The following SEMA5A variants were observed in gnomAD, a reference collection of about 807,000 sequenced individuals.
SEMA5A encodes semaphorin-5A.
Under a neutral mutation model 135.5 loss-of-function variants are expected in SEMA5A, and 55 were observed. The ratio of observed to expected loss-of-function variants is 0.41; its 90% CI spans 0.33 to 0.51. The LOEUF (loss-of-function observed/expected upper bound fraction) is 0.51, where lower values mean the gene tolerates loss of function less well. Among genes scored for constraint, SEMA5A ranks in the 20% least tolerant of loss-of-function variants. The pLI is 0.37. For synonymous variants in SEMA5A, 580 were observed against 546.5 expected (o/e 1.06, Z -0.85); for missense variants, 1,290 against 1,419.9 (o/e 0.91, Z 1.47).
In SEMA5A at chr5:9,384,661, T is replaced by TAC. The variant is rs1214516553; in HGVS notation, c.-77-4639_-77-4638insGT. ...ATAGATAGATAGATAGATAGATAGA[T>TAC]ATAGATAGATAGATATAGATAGATA... is the stretch of plus-strand genomic sequence containing the variant. On this transcript the variant is annotated intron_variant, in intron 2 of 22. Coordinates refer to ENST00000382496, the MANE Select transcript of SEMA5A (RefSeq NM_003966.3). 6.9e-4 allele frequency among the ~76,000 whole-genome samples: 46 copies of TAC among 66,496 alleles called. 3 individuals are homozygous for TAC. The highest frequency in any genetic ancestry group is 1.7e-3 in the South Asian group (4 of 2,290). 43.6% of individuals were successfully genotyped at this position (66,496 alleles called of 152,430 possible).
chr5:9,048,128 G>A (rs1403112162), intron 21 of SEMA5A, among the ~76,000 whole-genome samples: 2 of 152,188 alleles, frequency 1.3e-5, no homozygotes, highest in Non-Finnish European at 2.9e-5. Flanking sequence ...CTGGACCCAG[G>A]CAGCAGACAG....
intron 11 of SEMA5A, among the ~76,000 whole-genome samples, chr5:9,163,119 A>C (rs1207867636): frequency 1.3e-5 from 2 of 152,128 alleles, no homozygotes; most frequent in Non-Finnish European, 2.9e-5. Context: ...CATACCACTG[A>C]CTACACAGAA....
At chr5:9,151,803 G>C (rs1011567073) in intron 12 of SEMA5A, among the ~76,000 whole-genome samples, 2 of 152,204 alleles carry the variant, frequency 1.3e-5, no homozygotes, top group African/African-American at 4.8e-5. Context: ...ATTTCTTACT[G>C]CTTCTCTCAG....
At position 9,035,948 on chromosome 5, in the gene SEMA5A, G is replaced by C. The variant is rs1735630749; in HGVS notation, c.*6949C>G. 7.9e-6 allele frequency: 1 copy of C among 126,828 alleles called. No individual in the cohort carries two copies. Among genetic ancestry groups the C allele is most frequent in the Non-Finnish European group, 1.6e-5 (1 of 61,318 alleles). 7.9% of individuals were successfully genotyped at this position (126,828 alleles called of 1,614,324 possible). A position where few individuals can be genotyped will look rare whatever the true frequency, so the allele number is the denominator to read the frequency against. On this transcript the variant is annotated 3_prime_UTR_variant, in exon 23 of 23. Coordinates refer to ENST00000382496, the MANE Select transcript of SEMA5A (RefSeq NM_003966.3). ...TTACCAAGGGCTGAAATTGGCTTTG[G>C]AGGAGTTTCACAAAAAAAAAAAAAA...
chr5:9,537,317 A>G (rs539396638), intron 1 of SEMA5A, among the ~76,000 whole-genome samples: 3 of 152,200 alleles, frequency 2.0e-5, no homozygotes, highest in Non-Finnish European at 4.4e-5. Context: ...CATTTTTCCA[A>G]TCTTGTAACC....
chr5:9,163,264 T>A (rs1174595074), intron 11 of SEMA5A, among the ~76,000 whole-genome samples: 5 of 146,876 alleles, frequency 3.4e-5, no homozygotes, highest in East Asian at 2.0e-4. Flanking sequence ...CTGTTTCATT[T>A]AAAAAAAAAA....
rs371886489 is a variant in SEMA5A at position 9,503,943 on chromosome 5, G to A, written c.-175+41641C>T. On this transcript the variant is annotated intron_variant, in intron 1 of 22. Coordinates refer to ENST00000382496, the MANE Select transcript of SEMA5A (RefSeq NM_003966.3). ...AACGAAATACATTTCACGGCTGGGC[G>A]CGGTGGCTCATGCCTGTAATCCCAG... 2.6e-5 allele frequency among the ~76,000 whole-genome samples: 4 copies of A among 152,206 alleles called. No individual in the cohort carries two copies. The East Asian group carries it at 7.7e-4, about 29-fold the overall frequency.
At chr5:9,316,787 T>C (rs899703214) in intron 5 of SEMA5A, among the ~76,000 whole-genome samples, 4 of 152,152 alleles carry the variant, frequency 2.6e-5, no homozygotes, top group South Asian at 2.1e-4. Context: ...TATTTATTTA[T>C]TTATTTATTT....
chr5:9,174,270 T>G (rs559106573), intron 11 of SEMA5A, among the ~76,000 whole-genome samples: 1 of 152,196 alleles, frequency 6.6e-6, no homozygotes, highest in Non-Finnish European at 1.5e-5. Context: ...GGCGAGTTTT[T>G]TTCCACTAAT....
chr5:9,259,099 G>A (rs1413492618), intron 5 of SEMA5A, among the ~76,000 whole-genome samples: 1 of 152,136 alleles, frequency 6.6e-6, no homozygotes, highest in African/African-American at 2.4e-5. Flanking sequence ...TGGGATTACA[G>A]GCATGAGCCA....
At chr5:9,170,993 G>A (rs993304409) in intron 11 of SEMA5A, among the ~76,000 whole-genome samples, 8 of 152,122 alleles carry the variant, frequency 5.3e-5, no homozygotes, top group Non-Finnish European at 1.2e-4. Flanking sequence ...GAGAAGAAGG[G>A]GCTCCATATG....
At chr5:9,127,227 T>C (rs1401281978) in intron 13 of SEMA5A, among the ~76,000 whole-genome samples, 5 of 152,212 alleles carry the variant, frequency 3.3e-5, no homozygotes, top group Admixed American at 3.3e-4. Context: ...GCAAAGGCTG[T>C]TCCAGAGGTG....
At chr5:9,355,899 C>A (rs562151153) in intron 3 of SEMA5A, among the ~76,000 whole-genome samples, 4 of 152,196 alleles carry the variant, frequency 2.6e-5, no homozygotes, top group Non-Finnish European at 1.5e-5. Flanking sequence ...TCTTATTCCT[C>A]TCTATCTACA....
chr5:9,353,973 T>TA (rs56154322), intron 3 of SEMA5A, among the ~76,000 whole-genome samples: 34,257 of 139,092 alleles, frequency 0.25, 3,990 homozygotes, highest in East Asian at 0.35. Context: ...AAGCACGTGT[T>TA]AAAAAAAAAA....
intron 1 of SEMA5A, among the ~76,000 whole-genome samples, chr5:9,463,178 C>T (rs1759120979): frequency 6.6e-6 from 1 of 152,094 alleles, no homozygotes; most frequent in Admixed American, 6.6e-5. Flanking sequence ...TGGGGAACCA[C>T]CTAGTCTGAA....
At chr5:9,466,430 C>G (rs977402022) in intron 1 of SEMA5A, among the ~76,000 whole-genome samples, 2 of 149,852 alleles carry the variant, frequency 1.3e-5, no homozygotes, top group Non-Finnish European at 3.0e-5. Flanking sequence ...GGAATCATGC[C>G]TCACACTATC....
chr5:9,077,930 A>G (rs1738159766), intron 16 of SEMA5A, among the ~76,000 whole-genome samples: 3 of 152,172 alleles, frequency 2.0e-5, no homozygotes, highest in Non-Finnish European at 4.4e-5. Flanking sequence ...TTTCCTCCTT[A>G]CCCATTATTT....
At chr5:9,305,728 T>TATGTGTATATATATATA (rs1287444762) in intron 5 of SEMA5A, among the ~76,000 whole-genome samples, 25 of 95,030 alleles carry the variant, frequency 2.6e-4, no homozygotes, top group African/African-American at 9.9e-4. Flanking sequence ...ATATATATAT[T>TATGTGTATATATATATA]TACACGCACA....
chr5:9,049,151 A>ATTATTTATTTATTTATTTATTTAT lies in SEMA5A; in HGVS notation c.2893+1235_2893+1258dup, dbSNP rs3063993. Among the ~76,000 whole-genome samples the ATTATTTATTTATTTATTTATTTAT allele has an allele frequency of 1.5e-4, 23 of 149,282 alleles. No individual in the cohort carries two copies. The East Asian group carries it at 3.4e-3, about 22-fold the overall frequency. ...AATGTCACAGATAGTGAGCTCTTCT[A>ATTATTTATTTATTTATTTATTTAT]TTATTTATTTATTTATTTATTTATT... On this transcript the variant is annotated intron_variant, in intron 21 of 22. Transcript: ENST00000382496.
Sources: gnomAD v4.1 joint callset for allele counts (sites outside exome capture counted in the v4.1 genomes callset) on GRCh38, gnomAD v4.1.1 for gene constraint, MANE v1.5 for transcripts, NCBI Gene and HGNC (gene_info 2026-07-23, HGNC 2026-07-21) for gene names.